The following TUSC3 variants were observed in gnomAD, a reference collection of about 807,000 sequenced individuals.
TUSC3 encodes tumor suppressor candidate 3, also known as dolichyl-diphosphooligosaccharide--protein glycosyltransferase subunit TUSC3.
Under a neutral mutation model 44.8 loss-of-function variants are expected in TUSC3, and 45 were observed. The observed-to-expected ratio is 1.00, with a 90% confidence interval of 0.79 to 1.29. The LOEUF (loss-of-function observed/expected upper bound fraction) is 1.29, where lower values mean the gene tolerates loss of function less well. Among genes scored for constraint, TUSC3 ranks in the 50% most tolerant of loss-of-function variants. The pLI is 0.00. For synonymous variants in TUSC3, 212 were observed against 152.9 expected (o/e 1.39, Z -2.85); for missense variants, 519 against 437.9 (o/e 1.19, Z -1.65).
At chr8:15,850,243 G>C in the TUSC3 span, among the ~76,000 whole-genome samples, 1 of 151,460 alleles carries the variant, frequency 6.6e-6, no homozygotes, top group African/African-American at 2.4e-5. Flanking sequence ...TTAGTATTAT[G>C]TAACATTAGT....
intron 6 of TUSC3, among the ~76,000 whole-genome samples, chr8:15,707,059 A>G (rs1809648087): frequency 6.6e-6 from 1 of 151,816 alleles, no homozygotes; most frequent in Admixed American, 6.6e-5. Flanking sequence ...GCTTTTTTTG[A>G]GTTACTATGT....
downstream of TUSC3, chr8:15,766,718 A>G (rs1425500273): frequency 6.6e-6 from 1 of 152,088 alleles, no homozygotes; most frequent in Non-Finnish European, 1.5e-5. Flanking sequence ...TTCAGCAGGC[A>G]TGGTGATTTG....
chr8:15,567,985 T>C (rs1482093613), intron 1 of TUSC3, among the ~76,000 whole-genome samples: 1 of 152,178 alleles, frequency 6.6e-6, no homozygotes, highest in Non-Finnish European at 1.5e-5. Context: ...TTTGTTTTCA[T>C]GTTAACAACC....
the TUSC3 span, among the ~76,000 whole-genome samples, chr8:15,823,539 T>C: frequency 6.6e-6 from 1 of 152,188 alleles, no homozygotes; most frequent in East Asian, 1.9e-4. Flanking sequence ...TTGTAGATTC[T>C]TCCAAATAAA....
At chr8:15,563,218 T>G (rs574164308) in intron 1 of TUSC3, among the ~76,000 whole-genome samples, 1 of 152,258 alleles carries the variant, frequency 6.6e-6, no homozygotes, top group South Asian at 2.1e-4. Context: ...CATCACTTCA[T>G]AAATAACTTC....
chr8:15,568,823 C>T (rs773044505), intron 1 of TUSC3, among the ~76,000 whole-genome samples: 2 of 151,880 alleles, frequency 1.3e-5, no homozygotes, highest in Non-Finnish European at 2.9e-5. Context: ...AAAACTTTGT[C>T]ATGTATTTTC....
intron 6 of TUSC3, among the ~76,000 whole-genome samples, chr8:15,701,806 G>A (rs1159576891): frequency 6.6e-6 from 1 of 152,128 alleles, no homozygotes; most frequent in Non-Finnish European, 1.5e-5. Flanking sequence ...TGGACACTGA[G>A]GCAAGAGTCT....
At chr8:15,760,387 A>G (rs755912759) in intron 10 of TUSC3, among the ~76,000 whole-genome samples, 17 of 152,172 alleles carry the variant, frequency 1.1e-4, no homozygotes, top group Non-Finnish European at 2.1e-4. Context: ...ATTCTACAAT[A>G]TATATGATTT....
intron 5 of TUSC3, among the ~76,000 whole-genome samples, chr8:15,663,818 T>C (rs113692297): frequency 1.1e-4 from 16 of 151,986 alleles, no homozygotes; most frequent in African/African-American, 3.9e-4. Flanking sequence ...AGTTTTCAAG[T>C]TGCTTAATTC....
intron 1 of TUSC3, among the ~76,000 whole-genome samples, chr8:15,595,012 C>A (rs1585135979): frequency 6.6e-6 from 1 of 152,082 alleles, no homozygotes; most frequent in African/African-American, 2.4e-5. Flanking sequence ...ATACTCTGGG[C>A]TAAAGCTCTG....
At chr8:15,748,167 G>A (rs1387654559) in intron 8 of TUSC3, among the ~76,000 whole-genome samples, 1 of 148,280 alleles carries the variant, frequency 6.7e-6, no homozygotes, top group Non-Finnish European at 1.5e-5. Flanking sequence ...TCATTGAGAA[G>A]ACACAAATAG....
intron 5 of TUSC3, among the ~76,000 whole-genome samples, chr8:15,667,687 C>T (rs1807729144): frequency 6.6e-6 from 1 of 151,636 alleles, no homozygotes; most frequent in Admixed American, 6.6e-5. Context: ...ATTTTGTTTT[C>T]AAAGCTGTAT....
At chr8:15,811,858 A>G in the TUSC3 span, among the ~76,000 whole-genome samples, 356 of 152,288 alleles carry the variant, frequency 2.3e-3, no homozygotes, top group African/African-American at 8.1e-3. Context: ...AGCCTGTATA[A>G]AATAGCCGAG....
intron 1 of TUSC3, chr8:15,483,257 C>T (rs1271702170): frequency 5.9e-6 from 1 of 168,422 alleles, no homozygotes; most frequent in East Asian, 1.7e-4. Flanking sequence ...TCTTAAGCAA[C>T]ATGGGTTATT....
the TUSC3 span, among the ~76,000 whole-genome samples, chr8:15,838,384 A>G: frequency 1.3e-5 from 2 of 152,178 alleles, no homozygotes; most frequent in Admixed American, 6.5e-5. Flanking sequence ...ATAAAGTCAT[A>G]ACTATAATGC....
intron 1 of TUSC3, among the ~76,000 whole-genome samples, chr8:15,590,184 A>G (rs868560414): frequency 6.6e-6 from 1 of 152,314 alleles, no homozygotes; most frequent in Middle Eastern, 3.4e-3. Flanking sequence ...CAGCCTGCTA[A>G]TGCTTTACAC....
intron 3 of TUSC3, among the ~76,000 whole-genome samples, chr8:15,653,474 A>C (rs955308885): frequency 6.6e-5 from 10 of 152,304 alleles, no homozygotes; most frequent in African/African-American, 2.2e-4. Context: ...ATAATCATTA[A>C]ATTCTTTTGT....
At chr8:15,607,706 A>T (rs1456036604) in intron 1 of TUSC3, among the ~76,000 whole-genome samples, 1 of 152,174 alleles carries the variant, frequency 6.6e-6, no homozygotes, top group East Asian at 1.9e-4. Context: ...GTCTTTTTAA[A>T]TGCATTTTAG....
At chr8:15,689,945 G>C (rs1207921568) in intron 6 of TUSC3, among the ~76,000 whole-genome samples, 1 of 148,402 alleles carries the variant, frequency 6.7e-6, no homozygotes, top group Non-Finnish European at 1.5e-5. Context: ...CCATTTCTTT[G>C]CTCCTGTGAA....
Sources: gnomAD v4.1 joint callset for allele counts (sites outside exome capture counted in the v4.1 genomes callset) on GRCh38, gnomAD v4.1.1 for gene constraint, MANE v1.5 for transcripts, NCBI Gene and HGNC (gene_info 2026-07-23, HGNC 2026-07-21) for gene names.